Variants in CD99L2 observed in about 807,000 individuals in gnomAD.
CD99L2 encodes CD99 antigen-like protein 2.
CD99L2 carries 24 observed loss-of-function variants against 27.3 expected under a neutral mutation model. That is an observed-to-expected ratio of 0.88 (90% confidence interval 0.64 to 1.24). The LOEUF is 1.24. CD99L2 is among the 50% of genes most tolerant of loss of function. The pLI is 0.00. For missense variants in CD99L2, 255 were observed against 221.6 expected, an observed-to-expected ratio of 1.15 and a Z score of -0.96; for synonymous variants, 97 against 87.9, an observed-to-expected ratio of 1.10 and a Z score of -0.58.
At position 150,777,442 on chromosome X, in the gene CD99L2, A is replaced by G; in HGVS notation, c.535+2T>C. On this transcript the variant is annotated splice_donor_variant, in intron 8 of 10. Coordinates refer to ENST00000370377, the MANE Select transcript of CD99L2 (RefSeq NM_031462.4). LOFTEE classifies it high-confidence loss of function. ...CAGGAGCCTCAGGATTCAGAAACCC[A>G]CCAGATCCAGGGTCGTCATTGCTGC... 8.3e-7 allele frequency: 1 copy of G among 1,211,834 alleles called. No individual in the cohort carries two copies. Among genetic ancestry groups the G allele is most frequent in the Non-Finnish European group, 1.1e-6 (1 of 895,452 alleles).
chrX:150,845,087 A>G (rs1362082222), intron 1 of CD99L2, among the ~76,000 whole-genome samples: 1 of 112,190 alleles, frequency 8.9e-6, no homozygotes, highest in East Asian at 2.8e-4. Flanking sequence ...TTTGTAATTG[A>G]AAGGCCAATT....
chrX:150,875,693 C>A (rs782747567), intron 1 of CD99L2, among the ~76,000 whole-genome samples: 1 of 112,041 alleles, frequency 8.9e-6, no homozygotes, highest in Non-Finnish European at 1.9e-5. Context: ...TGGGAGGGAC[C>A]TGGTGGGAGG....
At chrX:150,870,228 C>T (rs971212655) in intron 1 of CD99L2, among the ~76,000 whole-genome samples, 14 of 104,472 alleles carry the variant, frequency 1.3e-4, no homozygotes, top group African/African-American at 4.8e-4. Flanking sequence ...AGCAAGCCTA[C>T]TGCCTGGGCT....
At chrX:150,824,400 AAAG>A (rs1177628434) in intron 2 of CD99L2, among the ~76,000 whole-genome samples, 19 of 100,442 alleles carry the variant, frequency 1.9e-4, no homozygotes, top group African/African-American at 5.1e-4. Flanking sequence ...GAAGAAGAAG[AAAG>A]AAGAAGAAAA....
chrX:150,805,123 G>C (rs903281295), intron 4 of CD99L2, among the ~76,000 whole-genome samples: 1 of 112,058 alleles, frequency 8.9e-6, no homozygotes, highest in Non-Finnish European at 1.9e-5. Flanking sequence ...AGGAGGCGGA[G>C]GTTGCAGTGA....
intron 1 of CD99L2, among the ~76,000 whole-genome samples, chrX:150,896,412 A>G (rs1557423091): frequency 8.9e-6 from 1 of 112,287 alleles, no homozygotes; most frequent in Non-Finnish European, 1.9e-5. Context: ...AAATTAATTA[A>G]TTAATTAAAA....
At chrX:150,793,797 A>C in intron 6 of CD99L2, 41 bp from the exon 7 acceptor site, 6 of 1,081,934 alleles carry the variant, frequency 5.5e-6, no homozygotes, top group Non-Finnish European at 7.5e-6. Context: ...CAAGAAAAAA[A>C]AATCAGCAAC....
At chrX:150,800,002 T>C (rs1557420039) in intron 4 of CD99L2, among the ~76,000 whole-genome samples, 1 of 112,245 alleles carries the variant, frequency 8.9e-6, no homozygotes. Flanking sequence ...TATAAATGGA[T>C]AAGCAAAATA....
chrX:150,797,699 G>A (rs2045818710), intron 4 of CD99L2, among the ~76,000 whole-genome samples: 1 of 111,657 alleles, frequency 9.0e-6, no homozygotes, highest in Admixed American at 9.5e-5. Flanking sequence ...ATCACAACAC[G>A]TGTGGTACTG....
chrX:150,876,454 T>C (rs182559634), intron 1 of CD99L2, among the ~76,000 whole-genome samples: 144 of 112,480 alleles, frequency 1.3e-3, no homozygotes, highest in African/African-American at 4.4e-3. Context: ...TAACTACTAA[T>C]ACAAAACAAA....
chrX:150,858,283 C>T (rs782509618), intron 1 of CD99L2, among the ~76,000 whole-genome samples: 1 of 112,327 alleles, frequency 8.9e-6, no homozygotes, highest in African/African-American at 3.2e-5. Context: ...GACTTCAACA[C>T]TCCACTCTCA....
intron 1 of CD99L2, among the ~76,000 whole-genome samples, chrX:150,854,868 C>T (rs1172901363): frequency 9.0e-6 from 1 of 111,101 alleles, no homozygotes; most frequent in African/African-American, 3.3e-5. Flanking sequence ...AGGAAACTAA[C>T]ATAGCCTTCA....
chrX:150,779,029 T>C (rs1407801186), intron 7 of CD99L2, among the ~76,000 whole-genome samples: 2 of 111,423 alleles, frequency 1.8e-5, no homozygotes, highest in Non-Finnish European at 3.8e-5. Flanking sequence ...ACTTCCATTT[T>C]TCTGGACTCT....
At chrX:150,864,863 C>T (rs11798379) in intron 1 of CD99L2, among the ~76,000 whole-genome samples, 25,370 of 110,370 alleles carry the variant, frequency 0.23, 2,538 homozygotes, top group African/African-American at 0.39. Context: ...CTTAAGATAG[C>T]AAATTTACCT....
At chrX:150,873,975 A>G (rs1200452185) in intron 1 of CD99L2, among the ~76,000 whole-genome samples, 1 of 112,653 alleles carries the variant, frequency 8.9e-6, no homozygotes, top group African/African-American at 3.2e-5. Context: ...TTTCATTTCA[A>G]AGGAAATCCT....
intron 1 of CD99L2, among the ~76,000 whole-genome samples, chrX:150,883,522 G>C (rs183252068): frequency 9.0e-6 from 1 of 111,261 alleles, no homozygotes; most frequent in African/African-American, 3.3e-5. Context: ...TGCAAGAAAG[G>C]CTGCCTTGAT....
At position 150,795,881 on chromosome X, in the gene CD99L2, T is replaced by C. The variant is rs782258851; in HGVS notation, c.278-395A>G. On this transcript the variant is annotated intron_variant, in intron 4 of 10. Coordinates refer to ENST00000370377, the MANE Select transcript of CD99L2 (RefSeq NM_031462.4). ...CTAATCCTGCCCAGGGATGGACAGA[T>C]TGAGGATGCATTCCCAGTGGACTGT... 3.1e-4 allele frequency among the ~76,000 whole-genome samples: 35 copies of C among 112,155 alleles called. No individual in the cohort carries two copies. The Middle Eastern group carries it at 0.014, about 44-fold the overall frequency.
chrX:150,799,467 T>C (rs1350140695), intron 4 of CD99L2, among the ~76,000 whole-genome samples: 3 of 105,821 alleles, frequency 2.8e-5, no homozygotes, highest in African/African-American at 1.0e-4. Flanking sequence ...TAAGCTGAGA[T>C]CATACCACTG....
chrX:150,779,186 T>C (rs1287089631), intron 7 of CD99L2, among the ~76,000 whole-genome samples: 1 of 111,815 alleles, frequency 8.9e-6, no homozygotes, highest in Non-Finnish European at 1.9e-5. Flanking sequence ...AGAAGAAACA[T>C]AAACAGGTCG....
Sources: allele counts gnomAD v4.1 joint callset (sites outside exome capture counted in the v4.1 genomes callset), GRCh38; gene constraint gnomAD v4.1.1; transcripts MANE v1.5; gene names NCBI Gene and HGNC (gene_info 2026-07-23, HGNC 2026-07-21).